ASXL3: variants seen among roughly 807,000 people sequenced by gnomAD.
ASXL3 encodes ASXL transcriptional regulator 3.
In ASXL3, 34 loss-of-function variants were observed where a neutral mutation model predicts 170.6. The ratio of observed to expected loss-of-function variants is 0.20; its 90% CI spans 0.15 to 0.27. ASXL3 has a LOEUF of 0.27. Among genes scored for constraint, ASXL3 ranks in the 10% least tolerant of loss-of-function variants. The probability of loss-of-function intolerance (pLI) is 1.00; values close to 1 mark genes in which losing one functional copy is unlikely to be tolerated. For missense variants in ASXL3, 2,592 were observed against 2,695.3 expected (o/e 0.96, Z 0.85); for synonymous variants, 1,002 against 989.1 (o/e 1.01, Z -0.24).
Position 33,628,976 on chromosome 18 carries a change from CAG to C in ASXL3, c.138-15913_138-15912del, listed in dbSNP as rs1238722140. ...ACAATAGATTTATTTCAGGTGTAGT[CAG>C]AGAGGATGTTGTTTCTGTGCTTATA... On this transcript the variant is annotated intron_variant, in intron 2 of 11. Coordinates refer to ENST00000269197, the MANE Select transcript of ASXL3 (RefSeq NM_030632.3). Among the ~76,000 whole-genome samples, 11 of 152,162 alleles carry C rather than the reference CAG, an allele frequency of 7.2e-5. No homozygotes were observed. The East Asian group carries it at 7.7e-4, about 11-fold the overall frequency.
chr18:33,616,239 C>T (rs2065420450), intron 2 of ASXL3, among the ~76,000 whole-genome samples: 2 of 152,222 alleles, frequency 1.3e-5, no homozygotes, highest in South Asian at 4.1e-4. Flanking sequence ...TCCTAATCGA[C>T]TTGGGCTTGG....
At chr18:33,726,745 C>A (rs578094016) in intron 8 of ASXL3, among the ~76,000 whole-genome samples, 27 of 152,262 alleles carry the variant, frequency 1.8e-4, no homozygotes, top group African/African-American at 6.5e-4. Context: ...GTCAGAGCTA[C>A]CCTTTGGAAA....
chr18:33,626,553 C>T (rs1356045707), intron 2 of ASXL3: 1 of 151,060 alleles, frequency 6.6e-6, no homozygotes, highest in African/African-American at 2.4e-5. Flanking sequence ...CTTTTAAATA[C>T]TGGATTCTGT....
rs528277463 is a variant in ASXL3, at chr18:33,647,748, A to C, written c.355+1395A>C. On this transcript the variant is annotated intron_variant, in intron 4 of 11. Transcript: ENST00000269197. Reference sequence around the variant, plus strand: ...AGTTACAGCAGTGAAAAACAAAAGCAAATCTCTCATGAAGCTTATTTTCTT... The same window carrying C: ...AGTTACAGCAGTGAAAAACAAAAGCCAATCTCTCATGAAGCTTATTTTCTT... 6.6e-5 allele frequency among the ~76,000 whole-genome samples: 10 copies of C among 152,238 alleles called. No individual in the cohort carries two copies. In the South Asian group the frequency reaches 2.1e-3, roughly 32 times the overall value.
At chr18:33,738,187 A>G (rs995926012) in intron 10 of ASXL3, among the ~76,000 whole-genome samples, 1 of 152,062 alleles carries the variant, frequency 6.6e-6, no homozygotes, top group African/African-American at 2.4e-5. Context: ...ATATTTTCTA[A>G]TACTTTGTTG....
In ASXL3 at chr18:33,739,552, C is replaced by T. The variant is rs2067617613; in HGVS notation, c.2148C>T (p.Thr716=). The T allele has an allele frequency of 3.7e-6, 6 of 1,613,950 alleles. No homozygotes were observed. The East Asian group carries it at 1.3e-4, about 36-fold the overall frequency. The change falls in exon 11 of 12, where the codon ACC becomes ACT. Residue 716 remains threonine, a synonymous_variant. Transcript: ENST00000269197. Reference sequence around the variant, plus strand: ...CCAACTTACCTTTAACATCAGAAACCTCACCGATGTCTGACTTACCTTTAA... The same window carrying T: ...CCAACTTACCTTTAACATCAGAAACTTCACCGATGTCTGACTTACCTTTAA... ...PVSNLPLTSE[T]SPMSDLPLTS... is the part of the protein sequence containing the mutation.
At chr18:33,715,536 C>G (rs1599534146) in intron 8 of ASXL3, among the ~76,000 whole-genome samples, 1 of 152,158 alleles carries the variant, frequency 6.6e-6, no homozygotes, top group Non-Finnish European at 1.5e-5. Context: ...GGTGATTTTG[C>G]TGTAGAAATG....
At chr18:33,713,266 TTTTTTTTTGA>T in intron 8 of ASXL3, among the ~76,000 whole-genome samples, 1 of 122,406 alleles carries the variant, frequency 8.2e-6, no homozygotes, top group African/African-American at 3.2e-5. Flanking sequence ...TTTTTTTTTT[TTTTTTTTTGA>T]GACAGGGTCT....
chr18:33,728,361 T>C (rs1413108130), intron 8 of ASXL3, among the ~76,000 whole-genome samples: 1 of 152,186 alleles, frequency 6.6e-6, no homozygotes, highest in Non-Finnish European at 1.5e-5. Flanking sequence ...CTTCCACCTA[T>C]TAGTCCTAAT....
At chr18:33,597,804 A>T (rs553700135) in intron 1 of ASXL3, among the ~76,000 whole-genome samples, 206 of 149,472 alleles carry the variant, frequency 1.4e-3, no homozygotes, top group African/African-American at 5.0e-3. Context: ...AAAAAAAAAA[A>T]AACAAAAAAA....
At chr18:33,697,572 A>G (rs1449551978) in intron 8 of ASXL3, among the ~76,000 whole-genome samples, 1 of 152,076 alleles carries the variant, frequency 6.6e-6, no homozygotes, top group Admixed American at 6.6e-5. Flanking sequence ...CCCACGACTA[A>G]GGCGTATGAT....
intron 8 of ASXL3, among the ~76,000 whole-genome samples, chr18:33,723,281 G>A (rs1185750413): frequency 6.6e-6 from 1 of 152,126 alleles, no homozygotes; most frequent in Non-Finnish European, 1.5e-5. Context: ...AAGGTGAATT[G>A]AAAGTCTTTT....
At chr18:33,631,295 A>C (rs16964816) in intron 2 of ASXL3, among the ~76,000 whole-genome samples, 14,272 of 152,124 alleles carry the variant, frequency 0.094, 772 homozygotes, top group African/African-American at 0.13. Context: ...AAATATGTGG[A>C]TAAGCATTCA....
At chr18:33,713,695 C>G (rs868701727) in intron 8 of ASXL3, among the ~76,000 whole-genome samples, 12 of 152,180 alleles carry the variant, frequency 7.9e-5, no homozygotes, top group African/African-American at 2.7e-4. Flanking sequence ...CGTAGGCCAT[C>G]TGGATAACTG....
chr18:33,714,100 C>A (rs1416207461), intron 8 of ASXL3, among the ~76,000 whole-genome samples: 1 of 152,136 alleles, frequency 6.6e-6, no homozygotes, highest in African/African-American at 2.4e-5. Context: ...AAAAGGCCAG[C>A]AATCCACCTT....
intron 8 of ASXL3, among the ~76,000 whole-genome samples, chr18:33,724,818 C>T (rs1457135104): frequency 6.6e-6 from 1 of 152,076 alleles, no homozygotes; most frequent in Non-Finnish European, 1.5e-5. Flanking sequence ...TATTGTCTTA[C>T]TGCAATTTTG....
chr18:33,740,177 C>G lies in ASXL3; in HGVS notation c.2773C>G (p.His925Asp), dbSNP rs1434145244. 5 of 1,613,758 alleles carry G rather than the reference C, an allele frequency of 3.1e-6. No individual in the cohort carries two copies. In the Admixed American group the frequency reaches 8.3e-5, roughly 27 times the overall value. ...TTCAGAAGGCTCTAGAAATAAAACA[C>G]ATAAGCAAGGGAGTACACAGAGTCG... ...PFSEGSRNKT[H>D]KQGSTQSRLE... The change falls in exon 11 of 12, where the codon CAT becomes GAT. Residue 925 changes from histidine (H) to aspartate (D), a missense_variant. Physicochemically the swap from His to Asp is moderately conservative, Grantham distance 81 (BLOSUM62 -1). Transcript: ENST00000269197.
chr18:33,616,329 G>A (rs557141668), intron 2 of ASXL3, among the ~76,000 whole-genome samples: 9 of 151,982 alleles, frequency 5.9e-5, no homozygotes, highest in South Asian at 2.1e-4. Context: ...GAAATGTCCC[G>A]TTATTTTTTT....
At chr18:33,587,722 A>G (rs757752678) in intron 1 of ASXL3, among the ~76,000 whole-genome samples, 28 of 152,072 alleles carry the variant, frequency 1.8e-4, no homozygotes, top group Non-Finnish European at 3.5e-4. Context: ...AAAAATAATT[A>G]AAAGCCACCC....
Sources: allele counts gnomAD v4.1 joint callset (sites outside exome capture counted in the v4.1 genomes callset), GRCh38; gene constraint gnomAD v4.1.1; transcripts MANE v1.5; gene names NCBI Gene and HGNC (gene_info 2026-07-23, HGNC 2026-07-21).